EEFSEC: variants seen among roughly 807,000 people sequenced by gnomAD.
EEFSEC encodes the protein eukaryotic elongation factor, selenocysteine-tRNA specific, also known as selenocysteine-specific elongation factor.
In EEFSEC, 43 loss-of-function variants were observed where a neutral mutation model predicts 42.1. The observed-to-expected ratio is 1.02, with a 90% CI of 0.80 to 1.32. The LOEUF is 1.32. Among genes scored for constraint, EEFSEC ranks in the 40% most tolerant of loss-of-function variants. EEFSEC has a pLI of 0.00. For synonymous variants in EEFSEC, 354 were observed against 339.1 expected, an observed-to-expected ratio of 1.04 and a Z score of -0.48; for missense variants, 745 against 803.6, an observed-to-expected ratio of 0.93 and a Z score of 0.88.
intron 4 of EEFSEC, among the ~76,000 whole-genome samples, chr3:128,297,745 T>C (rs1368559902): frequency 7.5e-6 from 1 of 132,910 alleles, no homozygotes; most frequent in Admixed American, 8.2e-5. Flanking sequence ...AGATATTTTT[T>C]GAAAAATTGA....
At chr3:128,226,333 A>G (rs1487319408) in intron 1 of EEFSEC, among the ~76,000 whole-genome samples, 1 of 152,208 alleles carries the variant, frequency 6.6e-6, no homozygotes, top group African/African-American at 2.4e-5. Flanking sequence ...GGTGGGCCAC[A>G]TGTGCTCTTG....
intron 5 of EEFSEC, among the ~76,000 whole-genome samples, chr3:128,348,718 G>A (rs536073509): frequency 7.2e-5 from 11 of 152,286 alleles, no homozygotes; most frequent in Non-Finnish European, 1.5e-4. Context: ...ATAGTAGGTC[G>A]GGTATGCAAA....
intron 4 of EEFSEC, among the ~76,000 whole-genome samples, chr3:128,304,785 C>A (rs1271159414): frequency 6.6e-6 from 1 of 151,948 alleles, no homozygotes; most frequent in East Asian, 1.9e-4. Context: ...CTCACTGAAG[C>A]CTTGACCTCC....
intron 5 of EEFSEC, among the ~76,000 whole-genome samples, chr3:128,348,272 G>A (rs867907933): frequency 9.9e-5 from 7 of 70,852 alleles, no homozygotes; most frequent in Non-Finnish European, 1.6e-4. Context: ...GTGTGTGTGC[G>A]TGTGCGTGTG....
At chr3:128,294,040 C>G (rs1367278546) in intron 4 of EEFSEC, among the ~76,000 whole-genome samples, 1 of 152,168 alleles carries the variant, frequency 6.6e-6, no homozygotes, top group Non-Finnish European at 1.5e-5. Flanking sequence ...AAGTCTGCTC[C>G]CTACCTTCTG....
intron 1 of EEFSEC, among the ~76,000 whole-genome samples, chr3:128,169,800 A>G (rs2065276984): frequency 6.6e-6 from 1 of 152,220 alleles, no homozygotes; most frequent in Non-Finnish European, 1.5e-5. Flanking sequence ...CTAACATCAT[A>G]GAATTGTAAA....
At chr3:128,299,749 A>T (rs1196445035) in intron 4 of EEFSEC, among the ~76,000 whole-genome samples, 1 of 152,214 alleles carries the variant, frequency 6.6e-6, no homozygotes, top group Admixed American at 6.5e-5. Context: ...CCTCAGCCCT[A>T]ACATGAGGAT....
At chr3:128,357,419 G>A (rs1209430190) in intron 5 of EEFSEC, among the ~76,000 whole-genome samples, 1 of 152,272 alleles carries the variant, frequency 6.6e-6, no homozygotes, top group East Asian at 1.9e-4. Context: ...ATGGCCAGCA[G>A]GAGGTATGAG....
At chr3:128,268,037 A>G (rs558747226) in intron 4 of EEFSEC, among the ~76,000 whole-genome samples, 6 of 152,356 alleles carry the variant, frequency 3.9e-5, no homozygotes, top group Admixed American at 6.5e-5. Context: ...TTCAAAAACT[A>G]AAAAAGGAAG....
At chr3:128,372,075 T>C (rs2067660578) in intron 6 of EEFSEC, among the ~76,000 whole-genome samples, 1 of 152,262 alleles carries the variant, frequency 6.6e-6, no homozygotes, top group East Asian at 1.9e-4. Context: ...TTTGCCAGTT[T>C]GTAGTTTTAG....
chr3:128,354,997 G>C (rs147987874), intron 5 of EEFSEC, among the ~76,000 whole-genome samples: 16 of 152,292 alleles, frequency 1.1e-4, no homozygotes, highest in Non-Finnish European at 1.8e-4. Flanking sequence ...GCCCGGGCTG[G>C]GCTGTTGGCT....
rs547551491 is a variant in EEFSEC at position 128,230,486 on chromosome 3, C to T, written c.317-16350C>T. On this transcript the variant is annotated intron_variant, in intron 1 of 6. Transcript: ENST00000254730. ...GGCTTTTATATTTGGGACAACTGCT[C>T]TCCACTTTCTTTACTTTAGGACAGG... Among the ~76,000 whole-genome samples the T allele has an allele frequency of 2.6e-5, 4 of 152,302 alleles. No homozygotes were observed. In the South Asian group the frequency reaches 6.2e-4, roughly 24 times the overall value.
intron 6 of EEFSEC, among the ~76,000 whole-genome samples, chr3:128,361,065 T>C (rs2067520267): frequency 6.6e-6 from 1 of 152,076 alleles, no homozygotes; most frequent in African/African-American, 2.4e-5. Context: ...AAGCCTGGGT[T>C]TTGGTGCCAT....
intron 6 of EEFSEC, among the ~76,000 whole-genome samples, chr3:128,391,358 C>T (rs2067910873): frequency 6.6e-6 from 1 of 152,268 alleles, no homozygotes; most frequent in African/African-American, 2.4e-5. Context: ...TCCCCAGAGG[C>T]AGAAGAGCCC....
At chr3:128,161,326 G>T (rs1187666718) in intron 1 of EEFSEC, among the ~76,000 whole-genome samples, 1 of 151,176 alleles carries the variant, frequency 6.6e-6, no homozygotes, top group African/African-American at 2.4e-5. Context: ...TGGCAGGAAA[G>T]AGGAGGGCTG....
At chr3:128,154,825 G>T (rs1439653212) in intron 1 of EEFSEC, among the ~76,000 whole-genome samples, 1 of 152,192 alleles carries the variant, frequency 6.6e-6, no homozygotes, top group Non-Finnish European at 1.5e-5. Context: ...CCATTTTGCA[G>T]TGAATATTCT....
chr3:128,407,932 T>A lies in EEFSEC; in HGVS notation c.1601-137T>A, dbSNP rs998128024. The A allele has an allele frequency of 1.4e-5, 11 of 783,886 alleles. No individual in the cohort carries two copies. In the Admixed American group the frequency reaches 2.8e-4, roughly 20 times the overall value. The allele number at this position is 783,886 out of a possible 1,614,324, so 48.6% of individuals were successfully genotyped here. A position where few individuals can be genotyped will look rare whatever the true frequency, so the allele number is the denominator to read the frequency against. ...TGCCGGAGGGACCAAAATGTCAGAA[T>A]GGACCACAGGCCTCAGGGCTGATTG... On this transcript the variant is annotated intron_variant, in intron 6 of 6. Transcript: ENST00000254730.
downstream of EEFSEC, among the ~76,000 whole-genome samples, chr3:128,412,538 G>T (rs1349000423): frequency 6.6e-6 from 1 of 152,212 alleles, no homozygotes; most frequent in Non-Finnish European, 1.5e-5. Context: ...GGCAAGGAAG[G>T]GTGGCACCTG....
chr3:128,358,656 A>G (rs1358662876), intron 6 of EEFSEC, among the ~76,000 whole-genome samples: 1 of 151,828 alleles, frequency 6.6e-6, no homozygotes, highest in Non-Finnish European at 1.5e-5. Context: ...TTGGGCCCGC[A>G]CCTTGGTTTC....
Sources: gnomAD v4.1 joint callset for allele counts (sites outside exome capture counted in the v4.1 genomes callset) on GRCh38, gnomAD v4.1.1 for gene constraint, MANE v1.5 for transcripts, NCBI Gene and HGNC (gene_info 2026-07-23, HGNC 2026-07-21) for gene names.